The following TBC1D31 variants were observed in gnomAD, a reference collection of about 807,000 sequenced individuals.
The protein encoded by TBC1D31 is TBC1 domain family member 31, also known as WD repeat domain 67.
In TBC1D31, 99 loss-of-function variants were observed where a neutral mutation model predicts 132.9. That is an observed-to-expected ratio of 0.74 (90% CI 0.63 to 0.88). The LOEUF (loss-of-function observed/expected upper bound fraction) is 0.88, where lower values mean the gene tolerates loss of function less well. Ranked by LOEUF, TBC1D31 falls within the 40% of genes least tolerant of loss-of-function variation. TBC1D31 has a pLI of 0.00. For missense variants in TBC1D31, 1,134 were observed against 1,256.6 expected (o/e 0.90, Z 1.48); for synonymous variants, 385 against 419.4 (o/e 0.92, Z 1.00).
In TBC1D31 at chr8:123,138,390, A is replaced by G. The variant is rs182090140; in HGVS notation, c.2500-2371A>G. ...AAGATATTTTTATTTTTAGCAAATT[A>G]TAAGGTAATTATGCTGTCTATAGAT... On this transcript the variant is annotated intron_variant, in intron 17 of 21. Coordinates refer to ENST00000287380, the MANE Select transcript of TBC1D31 (RefSeq NM_145647.4). 2.7e-3 allele frequency among the ~76,000 whole-genome samples: 346 copies of G among 126,956 alleles called. 1 individual carries two copies. The highest frequency in any genetic ancestry group is 0.01 in the African/African-American group (318 of 31,638). 83.3% of individuals were successfully genotyped at this position (126,956 alleles called of 152,430 possible).
At chr8:123,134,023 A>G in intron 16 of TBC1D31, 91 bp from the exon 17 acceptor site, 2 of 915,920 alleles carry the variant, frequency 2.2e-6, no homozygotes, top group Non-Finnish European at 3.3e-6. Context: ...AAATACTGTT[A>G]GTAGGTCGTT....
intron 4 of TBC1D31, among the ~76,000 whole-genome samples, chr8:123,088,934 A>G (rs977341882): frequency 1.3e-5 from 2 of 152,180 alleles, no homozygotes; most frequent in African/African-American, 4.8e-5. Flanking sequence ...CATTTTCTGT[A>G]AACTAGACAT....
the TBC1D31 span, among the ~76,000 whole-genome samples, chr8:123,163,777 C>T: frequency 6.6e-6 from 1 of 152,098 alleles, no homozygotes; most frequent in Non-Finnish European, 1.5e-5. Flanking sequence ...TTGGTGCATC[C>T]GTCACCCGAA....
intron 13 of TBC1D31, among the ~76,000 whole-genome samples, chr8:123,127,261 ATTTTTTTT>A (rs35198781): frequency 1.9e-4 from 13 of 69,924 alleles, no homozygotes; most frequent in African/African-American, 6.7e-4. Context: ...TGCTTTTTGC[ATTTTTTTT>A]TTTTTTTTTT....
chr8:123,162,173 C>G, the TBC1D31 span, among the ~76,000 whole-genome samples: 1 of 151,886 alleles, frequency 6.6e-6, no homozygotes, highest in Non-Finnish European at 1.5e-5. Flanking sequence ...CATTCTACTT[C>G]CCCCCACAGA....
chr8:123,116,417 C>G (rs558832697), intron 10 of TBC1D31, among the ~76,000 whole-genome samples: 1 of 151,982 alleles, frequency 6.6e-6, no homozygotes, highest in Non-Finnish European at 1.5e-5. Flanking sequence ...TCAATAGAGA[C>G]GAGAGCCAGG....
downstream of TBC1D31, among the ~76,000 whole-genome samples, chr8:123,156,459 A>T (rs1176699861): frequency 1.3e-5 from 2 of 149,014 alleles, no homozygotes; most frequent in African/African-American, 5.1e-5. Context: ...AAAAAAAAAA[A>T]ATACCCCAGG....
intron 6 of TBC1D31, among the ~76,000 whole-genome samples, chr8:123,098,872 T>C (rs1817088380): frequency 6.6e-6 from 1 of 151,874 alleles, no homozygotes; most frequent in Non-Finnish European, 1.5e-5. Flanking sequence ...CCAGAGGAGT[T>C]GCATCAACTG....
At chr8:123,157,853 G>T in the TBC1D31 span, among the ~76,000 whole-genome samples, 1 of 152,106 alleles carries the variant, frequency 6.6e-6, no homozygotes, top group African/African-American at 2.4e-5. Context: ...GCTGCGCTTC[G>T]TAGGGGCTGC....
chr8:123,124,295 C>T (rs1221937235), intron 11 of TBC1D31, among the ~76,000 whole-genome samples: 5 of 152,134 alleles, frequency 3.3e-5, no homozygotes, highest in South Asian at 4.1e-4. Context: ...TTTTTAGACA[C>T]TAGAGTCTCT....
intron 7 of TBC1D31, chr8:123,102,354 C>T (rs1817518234): frequency 1.5e-5 from 6 of 393,430 alleles, no homozygotes; most frequent in South Asian, 1.1e-4. Flanking sequence ...GTGGCGTTTG[C>T]CACCTTTTTT....
rs757330313 is a variant in TBC1D31, at chr8:123,144,797, GT to G, written c.2921del (p.Leu974Ter). ...CTCTTTCAGATGCGTCTAGAAAGTG[GT>G]TTTTAAAGCAAGAGATAAATGCGGC... is the stretch of plus-strand genomic sequence containing the variant. ...SALSDASRKW[F>X]LKQEINAAVE... On this transcript the variant is annotated frameshift_variant, in exon 20 of 22. Coordinates refer to ENST00000287380, the MANE Select transcript of TBC1D31 (RefSeq NM_145647.4). LOFTEE classifies it high-confidence loss of function. The G allele has an allele frequency of 1.2e-6, 2 of 1,613,942 alleles. No homozygotes were observed. The highest frequency in any genetic ancestry group is 2.2e-5 in the South Asian group (2 of 90,974).
intron 5 of TBC1D31, among the ~76,000 whole-genome samples, chr8:123,095,748 A>G (rs1816777680): frequency 6.6e-6 from 1 of 152,292 alleles, no homozygotes; most frequent in East Asian, 1.9e-4. Context: ...TATCTTGTAC[A>G]ATTCCCGCCC....
At chr8:123,133,156 C>G (rs1375247796) in intron 16 of TBC1D31, among the ~76,000 whole-genome samples, 1 of 152,224 alleles carries the variant, frequency 6.6e-6, no homozygotes, top group African/African-American at 2.4e-5. Flanking sequence ...CTGTGAACAT[C>G]TGTTAGCAGC....
chr8:123,142,511 TTTA>T, intron 19 of TBC1D31, 55 bp downstream of exon 19: 2 of 1,349,570 alleles, frequency 1.5e-6, no homozygotes, highest in Non-Finnish European at 1.9e-6. Flanking sequence ...TTTTTTTTTT[TTTA>T]AAAGACAGAG....
At chr8:123,080,529 C>CT (rs57694076) in intron 2 of TBC1D31, among the ~76,000 whole-genome samples, 935 of 76,332 alleles carry the variant, frequency 0.012, 69 homozygotes, top group African/African-American at 0.036. Context: ...TTCTTTTATT[C>CT]TTTTTTTTTT....
At chr8:123,106,772 G>A (rs1444726421) in intron 8 of TBC1D31, among the ~76,000 whole-genome samples, 3 of 152,142 alleles carry the variant, frequency 2.0e-5, no homozygotes, top group Non-Finnish European at 2.9e-5. Flanking sequence ...ACCATCCTTA[G>A]GTTTGATGAT....
intron 5 of TBC1D31, 70 bp downstream of exon 5, chr8:123,093,812 AT>A (rs1816584826): frequency 8.8e-7 from 1 of 1,138,458 alleles, no homozygotes; most frequent in East Asian, 2.8e-5. Flanking sequence ...ACAAATTTTC[AT>A]TTAGTTTTTA....
chr8:123,075,001 G>T (rs1186863809), intron 1 of TBC1D31: 1 of 152,202 alleles, frequency 6.6e-6, no homozygotes, highest in Non-Finnish European at 1.5e-5. Flanking sequence ...AATCGGAGGG[G>T]CAGAATGTCA....
Sources: gnomAD v4.1 joint callset for allele counts (sites outside exome capture counted in the v4.1 genomes callset) on GRCh38, gnomAD v4.1.1 for gene constraint, MANE v1.5 for transcripts, NCBI Gene and HGNC (gene_info 2026-07-23, HGNC 2026-07-21) for gene names.